ENO2: variants seen among roughly 807,000 people sequenced by gnomAD.
ENO2 encodes the protein enolase 2, also known as gamma-enolase.
ENO2 carries 19 observed loss-of-function variants against 48.7 expected under a neutral mutation model. The ratio of observed to expected loss-of-function variants is 0.39; its 90% CI spans 0.27 to 0.57. The LOEUF (loss-of-function observed/expected upper bound fraction) is 0.57, where lower values mean the gene tolerates loss of function less well. Ranked by LOEUF, ENO2 falls within the 20% of genes least tolerant of loss-of-function variation. The pLI, the probability that ENO2 is intolerant of heterozygous loss-of-function variation, is 0.58. For synonymous variants in ENO2, 198 were observed against 213.4 expected, an observed-to-expected ratio of 0.93 and a Z score of 0.63; for missense variants, 416 against 555.0, an observed-to-expected ratio of 0.75 and a Z score of 2.52.
chr12:6,915,762 T>A, intron 1 of ENO2, 59 bp from the exon 2 acceptor site: 7 of 1,057,288 alleles, frequency 6.6e-6, no homozygotes, highest in South Asian at 1.2e-5. Flanking sequence ...CCCATTGATC[T>A]CAGGCTCCAC....
rs181684654 is a variant in ENO2 at position 6,917,214 on chromosome 12, C to T, written c.310+107C>T. The T allele has an allele frequency of 2.5e-4, 336 of 1,355,304 alleles. 1 individual carries two copies. The East Asian group carries it at 5.6e-3, about 23-fold the overall frequency. The allele number at this position is 1,355,304 out of a possible 1,614,324, so 84.0% of individuals were successfully genotyped here. A position where few individuals can be genotyped will look rare whatever the true frequency, so the allele number is the denominator to read the frequency against. ...TAGTGGCTTCCTCAGGAATGACTGTCAGGGGCATTCTCCTCTCAAAGCCAG... is the reference window on the plus strand; with the variant it reads ...TAGTGGCTTCCTCAGGAATGACTGTTAGGGGCATTCTCCTCTCAAAGCCAG... On this transcript the variant is annotated intron_variant, in intron 5 of 11. Coordinates refer to ENST00000229277, the MANE Select transcript of ENO2 (RefSeq NM_001975.3).
At chr12:6,918,921 G>A (rs1414032884) in intron 7 of ENO2, among the ~76,000 whole-genome samples, 5 of 149,774 alleles carry the variant, frequency 3.3e-5, no homozygotes, top group Admixed American at 1.3e-4. Context: ...GGCGGAGGTT[G>A]TGGTGAGCCG....
chr12:6,916,622 C>A lies in ENO2; in HGVS notation c.182-49C>A. ...TGGCTTCCCCTCCTCCCATTGATCC[C>A]TTCCGGCCCCTCCTGGCCCGACCCA... On this transcript the variant is annotated intron_variant, in intron 3 of 11. Coordinates refer to ENST00000229277, the MANE Select transcript of ENO2 (RefSeq NM_001975.3). The surrounding 1 kb of genome is among the most constrained non-coding windows in gnomAD (Gnocchi z 4.5). 3.1e-6 allele frequency: 5 copies of A among 1,613,238 alleles called. No individual in the cohort carries two copies. Among genetic ancestry groups the A allele is most frequent in the Non-Finnish European group, 4.2e-6 (5 of 1,179,224 alleles).
rs1945349626 is a variant in ENO2 at position 6,922,494 on chromosome 12, CAGTCCATTTCCT to C, written c.1235+93_1235+104del. The C allele has an allele frequency of 1.3e-6, 2 of 1,517,464 alleles. No individual in the cohort carries two copies. Among genetic ancestry groups the C allele is most frequent in the Non-Finnish European group, 9.1e-7 (1 of 1,094,078 alleles). The allele number at this position is 1,517,464 out of a possible 1,614,324, so 94.0% of individuals were successfully genotyped here. ...TCTGTAGCACCAAGGGCCTGGATAA[CAGTCCATTTCCT>C]GGATAACAGTCCAACAGATAATATT... On this transcript the variant is annotated intron_variant, in intron 11 of 11. Coordinates refer to ENST00000229277, the MANE Select transcript of ENO2 (RefSeq NM_001975.3). The surrounding 1 kb of genome is among the most constrained non-coding windows in gnomAD (Gnocchi z 5.3).
At chr12:6,921,029 T>G (rs968348454) in intron 8 of ENO2, among the ~76,000 whole-genome samples, 1 of 152,180 alleles carries the variant, frequency 6.6e-6, no homozygotes, top group African/African-American at 2.4e-5. Context: ...TCCGTTCACC[T>G]CAGTATCCCA....
In ENO2 at chr12:6,922,824, G is replaced by C. The variant is rs1555142267; in HGVS notation, c.*24G>C. On this transcript the variant is annotated 3_prime_UTR_variant, in exon 12 of 12. Coordinates refer to ENST00000229277, the MANE Select transcript of ENO2 (RefSeq NM_001975.3). The surrounding 1 kb of genome is among the most constrained non-coding windows in gnomAD (Gnocchi z 5.3). ...GATTCCTCTGCTTGCCTGGAGACGT[G>C]GAACCTCTGTCTCATCCTCCTGGAA... 6.2e-7 allele frequency: 1 copy of C among 1,612,648 alleles called. No individual in the cohort carries two copies. The highest frequency in any genetic ancestry group is 1.3e-5 in the African/African-American group (1 of 74,832).
At chr12:6,917,760 AG>A in intron 6 of ENO2, 46 bp downstream of exon 6, 2 of 1,047,066 alleles carry the variant, frequency 1.9e-6, no homozygotes, top group Non-Finnish European at 2.9e-6. Flanking sequence ...CGGGTGGGGG[AG>A]GGAGCATGCA....
At chr12:6,918,906 C>T (rs1379269599) in intron 7 of ENO2, among the ~76,000 whole-genome samples, 14 of 148,194 alleles carry the variant, frequency 9.4e-5, no homozygotes, top group Non-Finnish European at 1.9e-4. Flanking sequence ...CGCTTGTACC[C>T]GGGAGGCGGA....
chr12:6,919,474 C>T (rs1238733661), intron 7 of ENO2, 92 bp from the exon 8 acceptor site: 20 of 1,427,248 alleles, frequency 1.4e-5, no homozygotes, highest in Admixed American at 9.5e-5. Flanking sequence ...AGGAACAGCC[C>T]TCCACCTCTG....
At chr12:6,921,947 C>A in intron 9 of ENO2, 109 bp from the exon 10 acceptor site, 1 of 1,530,732 alleles carries the variant, frequency 6.5e-7, no homozygotes, top group South Asian at 1.1e-5. Context: ...TCTCTGCTCC[C>A]CTCCCAGATA....
rs2138190005 is a variant in ENO2 at position 6,922,010 on chromosome 12, G to A, written c.1068-46G>A. 1 of 1,608,396 alleles carries A rather than the reference G, an allele frequency of 6.2e-7. No individual in the cohort carries two copies. Among genetic ancestry groups the A allele is most frequent in the Non-Finnish European group, 8.5e-7 (1 of 1,174,762 alleles). ...GACCAAGGTTGGGGCTGGGAAGAGA[G>A]TGCCCAGTGTGAGAGCTGGAGAATC... On this transcript the variant is annotated intron_variant, in intron 9 of 11. Transcript: ENST00000229277. This position sits in a 1 kb window ranked among gnomAD's most constrained non-coding sequence, Gnocchi z 5.3.
Position 6,921,686 on chromosome 12 carries a change from A to G in ENO2, c.971A>G (p.Asn324Ser), listed in dbSNP as rs199920902. 1.9e-6 allele frequency: 3 copies of G among 1,614,080 alleles called. No homozygotes were observed. The highest frequency in any genetic ancestry group is 1.7e-5 in the Admixed American group (1 of 60,010). The change falls in exon 9 of 12, where the codon AAC becomes AGC. Residue 324 changes from asparagine to serine, a missense_variant. Asn to Ser is a conservative substitution (Grantham distance 46, BLOSUM62 1). Transcript: ENST00000229277. Reference sequence around the variant, plus strand: ...GTGGGTGATGACCTGACAGTGACCAACCCAAAACGTATTGAGCGGGCAGTG... The same window carrying G: ...GTGGGTGATGACCTGACAGTGACCAGCCCAAAACGTATTGAGCGGGCAGTG... Reference protein sequence around the residue: ...QIVGDDLTVTNPKRIERAVEE... With the variant: ...QIVGDDLTVTSPKRIERAVEE...
In ENO2 at chr12:6,922,063, C is replaced by G. The variant is rs1449805244; in HGVS notation, c.1075C>G (p.Leu359Val). 2 of 1,614,174 alleles carry G rather than the reference C, an allele frequency of 1.2e-6. No individual in the cohort carries two copies. The highest frequency in any genetic ancestry group is 1.1e-5 in the South Asian group (1 of 91,068). Residue 359 changes from leucine to valine, a missense_variant, in exon 10 of 12, where the codon CTG becomes GTG. Physicochemically the swap from Leu to Val is conservative, Grantham distance 32. Coordinates refer to ENST00000229277, the MANE Select transcript of ENO2 (RefSeq NM_001975.3). The surrounding 1 kb of genome is among the most constrained non-coding windows in gnomAD (Gnocchi z 5.3). Reference sequence around the variant, plus strand: ...TGCTGTGTGTGGATACAGGTGCAAGCTGGCCCAGGAGAATGGCTGGGGGGT... The same window carrying G: ...TGCTGTGTGTGGATACAGGTGCAAGGTGGCCCAGGAGAATGGCTGGGGGGT... ...SVTEAIQACKLAQENGWGVMV... is the reference protein window; with the variant it reads ...SVTEAIQACKVAQENGWGVMV...
rs747276849 is a variant in ENO2, at chr12:6,921,629, C to T, written c.914C>T (p.Ser305Phe). 118 of 1,613,960 alleles carry T rather than the reference C, an allele frequency of 7.3e-5. No individual in the cohort carries two copies. Among genetic ancestry groups the T allele is most frequent in the Non-Finnish European group, 9.1e-5 (107 of 1,180,012 alleles). The change falls in exon 9 of 12, where the codon TCC becomes TTC. Residue 305 changes from serine (S) to phenylalanine (F), a missense_variant. Ser to Phe is a radical substitution (Grantham distance 155). Transcript: ENST00000229277. Reference sequence around the variant, plus strand: ...GACCAGGATGATTGGGCTGCCTGGTCCAAGTTCACAGCCAATGTAGGGATC... The same window carrying T: ...GACCAGGATGATTGGGCTGCCTGGTTCAAGTTCACAGCCAATGTAGGGATC... Reference protein sequence around the residue: ...PFDQDDWAAWSKFTANVGIQI... With the variant: ...PFDQDDWAAWFKFTANVGIQI...
At chr12:6,918,787 G>C (rs1591652532) in intron 7 of ENO2, among the ~76,000 whole-genome samples, 5 of 151,000 alleles carry the variant, frequency 3.3e-5, no homozygotes, top group Non-Finnish European at 7.4e-5. Context: ...TTTGAGACCA[G>C]CCTGGCCAAC....
chr12:6,915,780 A>C, intron 1 of ENO2, 41 bp from the exon 2 acceptor site: 1 of 1,528,170 alleles, frequency 6.5e-7, no homozygotes, highest in Non-Finnish European at 8.9e-7. Context: ...CACCCCTCTA[A>C]GCCTCTTATC....
chr12:6,917,760 A>G (rs1555141782), intron 6 of ENO2, 46 bp downstream of exon 6: 412 of 1,046,332 alleles, frequency 3.9e-4, no homozygotes, highest in Non-Finnish European at 5.6e-4. Context: ...CGGGTGGGGG[A>G]GGGAGCATGC....
In ENO2 at chr12:6,915,823, C is replaced by T; in HGVS notation, c.-10C>T. 6.2e-7 allele frequency: 1 copy of T among 1,608,328 alleles called. No individual in the cohort carries two copies. Among genetic ancestry groups the T allele is most frequent in the Non-Finnish European group, 8.5e-7 (1 of 1,176,210 alleles). ...TTCCTTCCCTTCCACCCGAGGAGAT[C>T]CCAGCCATCATGTCCATAGAGAAGA... On this transcript the variant is annotated splice_region_variant and 5_prime_UTR_variant, in exon 2 of 12. Transcript: ENST00000229277.
At chr12:6,919,874 A>G (rs903205371) in intron 8 of ENO2, 111 bp downstream of exon 8, 2 of 1,155,312 alleles carry the variant, frequency 1.7e-6, no homozygotes, top group East Asian at 2.5e-5. Context: ...TGTCCTAAGA[A>G]GAACCTGAGA....
Sources: gnomAD v4.1 joint callset for allele counts (sites outside exome capture counted in the v4.1 genomes callset) on GRCh38, gnomAD v4.1.1 for gene constraint, Gnocchi (gnomAD v3.1) non-coding constraint, MANE v1.5 for transcripts, NCBI Gene and HGNC (gene_info 2026-07-23, HGNC 2026-07-21) for gene names.